SGPL1: variants seen among roughly 807,000 people sequenced by gnomAD.
The protein encoded by SGPL1 is SP-lyase 1.
SGPL1 carries 37 observed loss-of-function variants against 68.9 expected under a neutral mutation model. The ratio of observed to expected loss-of-function variants is 0.54; its 90% CI spans 0.41 to 0.71. The LOEUF is 0.71. Among genes scored for constraint, SGPL1 ranks in the 30% least tolerant of loss-of-function variants. The pLI is 0.00. For synonymous variants in SGPL1, 236 were observed against 248.5 expected (o/e 0.95, Z 0.47); for missense variants, 551 against 704.6 (o/e 0.78, Z 2.47).
At chr10:70,842,550 T>A (rs1039280185) in intron 2 of SGPL1, among the ~76,000 whole-genome samples, 1 of 152,022 alleles carries the variant, frequency 6.6e-6, no homozygotes, top group African/African-American at 2.4e-5. Flanking sequence ...AAGCTTACAA[T>A]CATGGCGGAA....
At chr10:70,842,777 C>T (rs868829146) in intron 2 of SGPL1, among the ~76,000 whole-genome samples, 1 of 152,148 alleles carries the variant, frequency 6.6e-6, no homozygotes. Flanking sequence ...GATAGGCATC[C>T]AAACCATATC....
rs969712818 is a variant in SGPL1 at position 70,878,268 on chromosome 10, C to T, written c.*933C>T. ...TATTCTAGCATACCTGCTTCGTCCA[C>T]CCAGGCAGGGTTTGGGGTGGTCTCT... On this transcript the variant is annotated 3_prime_UTR_variant, in exon 15 of 15. Transcript: ENST00000373202. The T allele has an allele frequency of 6.6e-6, 1 of 152,258 alleles. No individual in the cohort carries two copies. The highest frequency in any genetic ancestry group is 1.5e-5 in the Non-Finnish European group (1 of 68,056). The allele number at this position is 152,258 out of a possible 1,614,324, so 9.4% of individuals were successfully genotyped here.
At position 70,844,605 on chromosome 10, in the gene SGPL1, G is replaced by A; in HGVS notation, c.160G>A (p.Val54Ile). 1 of 1,614,092 alleles carries A rather than the reference G, an allele frequency of 6.2e-7. No homozygotes were observed. The highest frequency in any genetic ancestry group is 1.1e-5 in the South Asian group (1 of 91,078). Residue 54 changes from valine (V) to isoleucine (I), a missense_variant, in exon 3 of 15, where the codon GTC becomes ATC. By Grantham distance (29) the Val-to-Ile change is conservative (BLOSUM62 3). Transcript: ENST00000373202. ...AWSVVWTLLI[V>I]WGYEFVFQPE... ...GAGTGTCGTGTGGACCCTGCTGATA[G>A]TCTGGGGATATGAGTTTGTCTTCCA...
chr10:70,854,747 A>G lies in SGPL1; in HGVS notation c.301A>G (p.Lys101Glu), dbSNP rs1433140879. The G allele has an allele frequency of 6.2e-7, 1 of 1,613,846 alleles. No individual in the cohort carries two copies. Among genetic ancestry groups the G allele is most frequent in the East Asian group, 2.2e-5 (1 of 44,878 alleles). The change falls in exon 5 of 15, where the codon AAG becomes GAG. Residue 101 changes from lysine (K) to glutamate (E), a missense_variant. Lys to Glu is a moderately conservative substitution (Grantham distance 56). Transcript: ENST00000373202. ...GAACAAGACCAAGGATGATATTAGC[A>G]AGAACATGTCATTCCTGAAAGTGGA... The part of the protein sequence containing the change: ...KLNKTKDDIS[K>E]NMSFLKVDKE...
In SGPL1 at chr10:70,877,396, A is replaced by G; in HGVS notation, c.*61A>G. Reference sequence around the variant, plus strand: ...CTTCAGAAGGTTCTTGGGATATGGAACAGGCCGTGCACAACTTTGACATCT... The same window carrying G: ...CTTCAGAAGGTTCTTGGGATATGGAGCAGGCCGTGCACAACTTTGACATCT... On this transcript the variant is annotated 3_prime_UTR_variant, in exon 15 of 15. Transcript: ENST00000373202. 6.4e-7 allele frequency: 1 copy of G among 1,560,544 alleles called. No homozygotes were observed. Among genetic ancestry groups the G allele is most frequent in the East Asian group, 2.2e-5 (1 of 44,468 alleles).
intron 2 of SGPL1, among the ~76,000 whole-genome samples, chr10:70,826,959 AT>A: frequency 6.6e-6 from 1 of 152,180 alleles, no homozygotes; most frequent in Non-Finnish European, 1.5e-5. Context: ...GTTGTTTCCA[AT>A]TTGAGGCTTT....
At chr10:70,848,305 C>T (rs1263382129) in intron 3 of SGPL1, among the ~76,000 whole-genome samples, 1 of 152,060 alleles carries the variant, frequency 6.6e-6, no homozygotes, top group African/African-American at 2.4e-5. Flanking sequence ...ATGCATTGTT[C>T]TTACACTGGC....
intron 7 of SGPL1, among the ~76,000 whole-genome samples, chr10:70,864,066 T>A (rs981321175): frequency 2.2e-5 from 3 of 133,984 alleles, no homozygotes; most frequent in African/African-American, 8.2e-5. Context: ...TAGTGATAGG[T>A]TTAAATTTTT....
At chr10:70,869,231 T>C (rs1365181607) in intron 8 of SGPL1, 1 of 152,334 alleles carries the variant, frequency 6.6e-6, no homozygotes, top group African/African-American at 2.4e-5. Flanking sequence ...CAAATACCCG[T>C]GACCTCATTT....
chr10:70,824,594 A>C (rs958068339), intron 2 of SGPL1, among the ~76,000 whole-genome samples: 8 of 151,562 alleles, frequency 5.3e-5, no homozygotes, highest in Non-Finnish European at 1.0e-4. Context: ...GTGCGATGAC[A>C]AAAAAAAAGT....
chr10:70,854,170 C>CT (rs542755242), intron 4 of SGPL1, among the ~76,000 whole-genome samples: 1,541 of 138,634 alleles, frequency 0.011, 12 homozygotes, highest in South Asian at 0.035. Context: ...TTGGGTGCAA[C>CT]TTTTTTTTTT....
At chr10:70,854,414 A>T (rs1845930655) in intron 4 of SGPL1, among the ~76,000 whole-genome samples, 1 of 152,058 alleles carries the variant, frequency 6.6e-6, no homozygotes, top group Non-Finnish European at 1.5e-5. Flanking sequence ...ACCTGTAATG[A>T]TCTGCCCACC....
chr10:70,861,671 C>T (rs1212701498), intron 7 of SGPL1, among the ~76,000 whole-genome samples: 1 of 152,154 alleles, frequency 6.6e-6, no homozygotes, highest in Non-Finnish European at 1.5e-5. Flanking sequence ...ACCAGGGCTG[C>T]GCGCAGCGCT....
chr10:70,839,935 A>G (rs548751272), intron 2 of SGPL1, among the ~76,000 whole-genome samples: 6 of 151,906 alleles, frequency 3.9e-5, no homozygotes, highest in Non-Finnish European at 8.8e-5. Context: ...AAAAAGTCTC[A>G]TGATGTTTTA....
chr10:70,870,507 C>CAA (rs35049583), intron 9 of SGPL1, among the ~76,000 whole-genome samples: 1 of 143,108 alleles, frequency 7.0e-6, no homozygotes. Flanking sequence ...GACCCTGTCT[C>CAA]AAAAAAAAAA....
At chr10:70,843,732 T>C (rs1192671931) in intron 2 of SGPL1, among the ~76,000 whole-genome samples, 1 of 152,260 alleles carries the variant, frequency 6.6e-6, no homozygotes, top group Non-Finnish European at 1.5e-5. Context: ...TGAGAGATTA[T>C]AGTCAAGTAA....
At chr10:70,850,424 A>G (rs753766142) in intron 3 of SGPL1, among the ~76,000 whole-genome samples, 4 of 152,202 alleles carry the variant, frequency 2.6e-5, no homozygotes, top group African/African-American at 9.6e-5. Flanking sequence ...CAGGCTGCCC[A>G]TTAGTCTTGG....
At chr10:70,856,215 C>T (rs1845961150) in intron 5 of SGPL1, among the ~76,000 whole-genome samples, 1 of 152,114 alleles carries the variant, frequency 6.6e-6, no homozygotes, top group African/African-American at 2.4e-5. Flanking sequence ...AGGTTGGTCT[C>T]GAACTCCTGA....
chr10:70,841,847 T>G (rs1845719471), intron 2 of SGPL1, among the ~76,000 whole-genome samples: 1 of 152,160 alleles, frequency 6.6e-6, no homozygotes, highest in Admixed American at 6.6e-5. Context: ...AAACATCTTC[T>G]ACCTTTTTTA....
Sources: allele counts gnomAD v4.1 joint callset (sites outside exome capture counted in the v4.1 genomes callset), GRCh38; gene constraint gnomAD v4.1.1; transcripts MANE v1.5; gene names NCBI Gene and HGNC (gene_info 2026-07-23, HGNC 2026-07-21).